Variants in SORCS2 observed in about 807,000 individuals in gnomAD.
SORCS2 encodes sortilin related VPS10 domain containing receptor 2, also known as VPS10 domain-containing receptor SorCS2.
In SORCS2, 100 loss-of-function variants were observed where a neutral mutation model predicts 141.6. That is an observed-to-expected ratio of 0.71 (90% confidence interval 0.60 to 0.83). The LOEUF is 0.83. SORCS2 is among the 40% of genes least tolerant of loss of function. The pLI, the probability that SORCS2 is intolerant of heterozygous loss-of-function variation, is 0.00. For missense variants in SORCS2, 1,646 were observed against 1,560.2 expected (o/e 1.05, Z -0.93); for synonymous variants, 789 against 676.9 (o/e 1.17, Z -2.57).
chr4:7,271,530 A>C (rs1186506055), intron 1 of SORCS2, among the ~76,000 whole-genome samples: 1 of 152,164 alleles, frequency 6.6e-6, no homozygotes. Context: ...TACTCATCTA[A>C]GATGTCAACA....
chr4:7,509,595 G>C (rs912573941), intron 2 of SORCS2, among the ~76,000 whole-genome samples: 2 of 152,246 alleles, frequency 1.3e-5, no homozygotes, highest in African/African-American at 4.8e-5. Context: ...CAGATGGGAA[G>C]TGCACAGCCC....
At chr4:7,453,942 C>A (rs1456705528) in intron 2 of SORCS2, among the ~76,000 whole-genome samples, 1 of 93,100 alleles carries the variant, frequency 1.1e-5, no homozygotes, top group Non-Finnish European at 2.1e-5. Context: ...GTGTTGGGGT[C>A]AGGAGCTGTG....
intron 2 of SORCS2, among the ~76,000 whole-genome samples, chr4:7,428,503 C>T (rs1021594086): frequency 6.6e-5 from 10 of 152,074 alleles, no homozygotes; most frequent in Non-Finnish European, 1.2e-4. Context: ...GTTATGGGGC[C>T]GAGGGCAGTG....
intron 1 of SORCS2, among the ~76,000 whole-genome samples, chr4:7,297,935 C>A (rs1050652067): frequency 1.2e-4 from 19 of 152,238 alleles, no homozygotes; most frequent in South Asian, 2.1e-4. Flanking sequence ...CGAGACTGAG[C>A]CCCCTGGGGC....
chr4:7,392,900 G>A (rs1349772458), intron 1 of SORCS2, among the ~76,000 whole-genome samples: 4 of 314 alleles, frequency 0.013, no homozygotes, highest in Non-Finnish European at 0.033. Context: ...CTCCCAGTCG[G>A]GGGGGGGGGG....
At chr4:7,216,129 C>T (rs1279596583) in intron 1 of SORCS2, among the ~76,000 whole-genome samples, 3 of 152,176 alleles carry the variant, frequency 2.0e-5, no homozygotes, top group Admixed American at 1.3e-4. Flanking sequence ...CACGAGCCCA[C>T]GGGGAGGAAC....
At chr4:7,486,829 T>C (rs1333423478) in intron 2 of SORCS2, among the ~76,000 whole-genome samples, 1 of 152,222 alleles carries the variant, frequency 6.6e-6, no homozygotes, top group Non-Finnish European at 1.5e-5. Flanking sequence ...ACACATGTGC[T>C]TGGATTTAGA....
chr4:7,376,851 A>G (rs1722689155), intron 1 of SORCS2, among the ~76,000 whole-genome samples: 1 of 152,182 alleles, frequency 6.6e-6, no homozygotes, highest in African/African-American at 2.4e-5. Flanking sequence ...TCTAATCTCA[A>G]GCCTCCCCAG....
intron 2 of SORCS2, among the ~76,000 whole-genome samples, chr4:7,405,299 C>T (rs998918739): frequency 6.6e-6 from 1 of 152,066 alleles, no homozygotes; most frequent in African/African-American, 2.4e-5. Context: ...GTGCCTCCAG[C>T]TTTGTTCTTC....
chr4:7,230,191 C>T (rs1038797582), intron 1 of SORCS2, among the ~76,000 whole-genome samples: 1 of 129,542 alleles, frequency 7.7e-6, no homozygotes, highest in Non-Finnish European at 1.6e-5. Context: ...CTTTGAGTCT[C>T]TGGGCCGGAG....
At chr4:7,706,080 T>TCTGGGCAGGGATGAGGCTGAGCTCC (rs1725424577) in intron 14 of SORCS2, among the ~76,000 whole-genome samples, 1 of 64,710 alleles carries the variant, frequency 1.5e-5, no homozygotes, top group Non-Finnish European at 3.4e-5. Flanking sequence ...GGCTGGGCTC[T>TCTGGGCAGGGATGAGGCTGAGCTCC]GCCTGGACAG....
At chr4:7,319,035 A>T (rs568364775) in intron 1 of SORCS2, among the ~76,000 whole-genome samples, 6 of 152,312 alleles carry the variant, frequency 3.9e-5, no homozygotes, top group Admixed American at 3.3e-4. Context: ...TGCATTTGCA[A>T]TTCATCCATG....
intron 1 of SORCS2, among the ~76,000 whole-genome samples, chr4:7,334,918 C>T (rs560359769): frequency 5.3e-5 from 8 of 151,836 alleles, no homozygotes; most frequent in Admixed American, 1.3e-4. Flanking sequence ...CTTCTGGGAG[C>T]GGAGGGAAGT....
At chr4:7,521,894 G>A (rs1476087568) in intron 2 of SORCS2, among the ~76,000 whole-genome samples, 4 of 152,332 alleles carry the variant, frequency 2.6e-5, no homozygotes, top group East Asian at 1.9e-4. Context: ...GGGACACAGC[G>A]GCTGCGTCTT....
chr4:7,656,389 G>C lies in SORCS2; in HGVS notation c.887+2182G>C, dbSNP rs374584716. 6.8e-4 allele frequency among the ~76,000 whole-genome samples: 104 copies of C among 152,266 alleles called. 2 individuals carry two copies. In the South Asian group the frequency reaches 0.021, roughly 30 times the overall value. On this transcript the variant is annotated intron_variant, in intron 5 of 26. Coordinates refer to ENST00000507866, the MANE Select transcript of SORCS2 (RefSeq NM_020777.3). Reference sequence around the variant, plus strand: ...AGCCATCCTGCTTTGAATACTGAGTGTCCGCTGGGCAGCACGTGGAGGCTC... The same window carrying C: ...AGCCATCCTGCTTTGAATACTGAGTCTCCGCTGGGCAGCACGTGGAGGCTC...
chr4:7,667,809 T>C (rs770503051), intron 8 of SORCS2, among the ~76,000 whole-genome samples: 3 of 152,246 alleles, frequency 2.0e-5, no homozygotes, highest in Non-Finnish European at 4.4e-5. Context: ...TGCCCCTGCC[T>C]TGGGGCCTCT....
chr4:7,578,927 G>C (rs1257594617), intron 3 of SORCS2, among the ~76,000 whole-genome samples: 2 of 152,186 alleles, frequency 1.3e-5, no homozygotes, highest in Admixed American at 6.5e-5. Flanking sequence ...TACTTCCGAG[G>C]TCTGGCTGTG....
At chr4:7,565,605 A>G (rs1253124786) in intron 3 of SORCS2, among the ~76,000 whole-genome samples, 1 of 150,910 alleles carries the variant, frequency 6.6e-6, no homozygotes, top group South Asian at 2.1e-4. Flanking sequence ...GATGGTAATG[A>G]TGATGATATA....
intron 3 of SORCS2, among the ~76,000 whole-genome samples, chr4:7,582,815 T>C (rs1716249741): frequency 6.6e-6 from 1 of 152,062 alleles, no homozygotes; most frequent in South Asian, 2.1e-4. Flanking sequence ...CCAGTTCCCT[T>C]AGCAGCCGTA....
Sources: gnomAD v4.1 joint callset for allele counts (sites outside exome capture counted in the v4.1 genomes callset) on GRCh38, gnomAD v4.1.1 for gene constraint, MANE v1.5 for transcripts, NCBI Gene and HGNC (gene_info 2026-07-23, HGNC 2026-07-21) for gene names.